Variants in DCLRE1C observed in about 807,000 individuals in gnomAD.
DCLRE1C encodes protein artemis.
DCLRE1C carries 47 observed loss-of-function variants against 61.4 expected under a neutral mutation model. The observed-to-expected ratio is 0.77, with a 90% CI of 0.61 to 0.98. DCLRE1C has a LOEUF of 0.98. Among genes scored for constraint, DCLRE1C ranks in the 50% least tolerant of loss-of-function variants. DCLRE1C has a pLI of 0.00. For synonymous variants in DCLRE1C, 337 were observed against 287.6 expected, an observed-to-expected ratio of 1.17 and a Z score of -1.74; for missense variants, 858 against 816.0, an observed-to-expected ratio of 1.05 and a Z score of -0.63.
At chr10:14,936,481 T>C in intron 5 of DCLRE1C, 57 bp downstream of exon 5, 2 of 1,436,470 alleles carry the variant, frequency 1.4e-6, no homozygotes, top group Non-Finnish European at 2.0e-6. Flanking sequence ...AATTTATTTC[T>C]ACAAATACAA....
intron 4 of DCLRE1C, among the ~76,000 whole-genome samples, chr10:14,938,093 G>T (rs1227147025): frequency 6.6e-6 from 1 of 152,062 alleles, no homozygotes; most frequent in Admixed American, 6.6e-5. Context: ...CATTCATTCT[G>T]GAGGACCCTT....
rs374118139 is a variant in DCLRE1C, at chr10:14,916,994, C to T, written c.1156+2744G>A. Among the ~76,000 whole-genome samples, 8 of 152,128 alleles carry T rather than the reference C, an allele frequency of 5.3e-5. No homozygotes were observed. In the South Asian group the frequency reaches 1.7e-3, roughly 31 times the overall value. On this transcript the variant is annotated intron_variant, in intron 13 of 13. Transcript: ENST00000378278. ...GAACAAGGCTGGAGAACTTAAAGCA[C>T]CTGACTTCAAGATTTACAAAGCTAC...
intron 9 of DCLRE1C, among the ~76,000 whole-genome samples, chr10:14,930,225 C>A (rs1355662027): frequency 6.6e-6 from 1 of 151,330 alleles, no homozygotes; most frequent in African/African-American, 2.4e-5. Context: ...AATTCTCCCA[C>A]CTCAGCTTCG....
chr10:14,945,538 A>G, intron 2 of DCLRE1C: 1 of 1,102,208 alleles, frequency 9.1e-7, no homozygotes, highest in Non-Finnish European at 1.1e-6. Context: ...TTACTTGGAA[A>G]TACGCGCTTG....
chr10:14,924,720 C>T (rs41298932), intron 11 of DCLRE1C, among the ~76,000 whole-genome samples: 1 of 151,682 alleles, frequency 6.6e-6, no homozygotes, highest in East Asian at 1.9e-4. Flanking sequence ...TGGTCGTGGG[C>T]GCCGTAGTCC....
At chr10:14,933,779 A>C (rs2130928145) in intron 8 of DCLRE1C, among the ~76,000 whole-genome samples, 1 of 152,360 alleles carries the variant, frequency 6.6e-6, no homozygotes, top group Non-Finnish European at 1.5e-5. Context: ...AATTTATTTC[A>C]TGACCCAAAG....
At chr10:14,937,858 C>T (rs1239077430) in intron 4 of DCLRE1C, among the ~76,000 whole-genome samples, 2 of 146,598 alleles carry the variant, frequency 1.4e-5, no homozygotes, top group Non-Finnish European at 3.0e-5. Context: ...CGCCCTACTG[C>T]ACTCCAGCCT....
intron 10 of DCLRE1C, 149 bp from the exon 11 acceptor site, chr10:14,927,046 G>T: frequency 1.4e-6 from 1 of 701,882 alleles, no homozygotes. Flanking sequence ...CCTAAATCAG[G>T]AATTTCTTCT....
intron 13 of DCLRE1C, 124 bp downstream of exon 13, chr10:14,919,614 A>C (rs1329070118): frequency 3.9e-6 from 3 of 773,082 alleles, no homozygotes; most frequent in Non-Finnish European, 7.0e-6. Context: ...ACCATGTGTC[A>C]AGTCTGACCT....
intron 9 of DCLRE1C, among the ~76,000 whole-genome samples, chr10:14,931,850 C>A (rs986300180): frequency 8.5e-5 from 13 of 152,152 alleles, no homozygotes; most frequent in African/African-American, 2.6e-4. Flanking sequence ...ACCCCCCTGG[C>A]CAACATGGCG....
chr10:14,940,767 A>G (rs910060429), intron 3 of DCLRE1C, among the ~76,000 whole-genome samples: 1 of 152,200 alleles, frequency 6.6e-6, no homozygotes, highest in African/African-American at 2.4e-5. Context: ...TGGGTGTTAA[A>G]GTATTTTTGC....
At chr10:14,933,783 C>T (rs1475884974) in intron 8 of DCLRE1C, among the ~76,000 whole-genome samples, 5 of 152,288 alleles carry the variant, frequency 3.3e-5, no homozygotes, top group Admixed American at 3.3e-4. Flanking sequence ...TATTTCATGA[C>T]CCAAAGTTTG....
In DCLRE1C at chr10:14,936,506, T is replaced by G. The variant is rs1165063477; in HGVS notation, c.362+32A>C. 1.9e-6 allele frequency: 3 copies of G among 1,576,264 alleles called. No homozygotes were observed. In the East Asian group the frequency reaches 6.7e-5, roughly 35 times the overall value. On this transcript the variant is annotated intron_variant, in intron 5 of 13. Coordinates refer to ENST00000378278, the MANE Select transcript of DCLRE1C (RefSeq NM_001033855.3). The stretch of plus-strand genomic sequence containing the variant: ...TACAAATACAATATGTGTCTACATA[T>G]AATAAAATGACAAAATAAATGACCC...
At chr10:14,924,492 T>A (rs1349410712) in intron 11 of DCLRE1C, among the ~76,000 whole-genome samples, 1 of 152,162 alleles carries the variant, frequency 6.6e-6, no homozygotes, top group African/African-American at 2.4e-5. Context: ...GATTCTTCAT[T>A]TAAAAGTATA....
chr10:14,936,345 A>T (rs547192348), intron 5 of DCLRE1C, among the ~76,000 whole-genome samples, 193 bp downstream of exon 5: 707 of 139,188 alleles, frequency 5.1e-3, no homozygotes, highest in Non-Finnish European at 5.6e-3. Context: ...TTTTTTTTTA[A>T]AAAAAAAACT....
At chr10:14,916,031 G>A (rs1037207117) in intron 13 of DCLRE1C, among the ~76,000 whole-genome samples, 4 of 152,162 alleles carry the variant, frequency 2.6e-5, no homozygotes, top group East Asian at 3.9e-4. Flanking sequence ...CAGAAAAAGC[G>A]TTAGACAAAA....
intron 9 of DCLRE1C, among the ~76,000 whole-genome samples, chr10:14,932,569 G>C (rs576561630): frequency 2.0e-5 from 3 of 152,210 alleles, no homozygotes; most frequent in Admixed American, 6.5e-5. Flanking sequence ...CCAGGGGGCG[G>C]AGCTTGCAGT....
At chr10:14,930,776 C>A (rs566559652) in intron 9 of DCLRE1C, among the ~76,000 whole-genome samples, 1 of 152,246 alleles carries the variant, frequency 6.6e-6, no homozygotes, top group Admixed American at 6.5e-5. Flanking sequence ...CAAGAATCCA[C>A]TGGACGTGTC....
In DCLRE1C at chr10:14,908,687, A is replaced by G. The variant is rs199619187; in HGVS notation, c.1800T>C (p.Asp600=). Reference sequence around the variant, plus strand: ...CTCTGCTTTTCAAATCAGAGTAAGTATCCTTTGGGCAAATTACATTTTGTT... The same window carrying G: ...CTCTGCTTTTCAAATCAGAGTAAGTGTCCTTTGGGCAAATTACATTTTGTT... ...LMEQNVICPK[D]TYSDLKSRDK... is the part of the protein sequence containing the mutation. The change falls in exon 14 of 14, where the codon GAT becomes GAC. Residue 600 remains aspartate (D), a synonymous_variant. Coordinates refer to ENST00000378278, the MANE Select transcript of DCLRE1C (RefSeq NM_001033855.3). 3.9e-5 allele frequency: 63 copies of G among 1,614,090 alleles called. 1 individual carries two copies. The highest frequency in any genetic ancestry group is 5.0e-5 in the Admixed American group (3 of 60,008).
Sources: allele counts gnomAD v4.1 joint callset (sites outside exome capture counted in the v4.1 genomes callset), GRCh38; gene constraint gnomAD v4.1.1; transcripts MANE v1.5; gene names NCBI Gene and HGNC (gene_info 2026-07-23, HGNC 2026-07-21).